Variants in GCFC2 observed in about 807,000 individuals in gnomAD.
The protein encoded by GCFC2 is GC-rich sequence DNA-binding factor 2, also known as intron Large complex component GCFC2.
A neutral mutation model predicts 99.4 loss-of-function variants in GCFC2; 102 were observed. The observed-to-expected ratio is 1.03, with a 90% confidence interval of 0.87 to 1.21. The LOEUF (loss-of-function observed/expected upper bound fraction) is 1.21, where lower values mean the gene tolerates loss of function less well. Among genes scored for constraint, GCFC2 ranks in the 50% most tolerant of loss-of-function variants. The pLI, the probability that GCFC2 is intolerant of heterozygous loss-of-function variation, is 0.00. For missense variants in GCFC2, 973 were observed against 920.9 expected (o/e 1.06, Z -0.73); for synonymous variants, 338 against 316.8 (o/e 1.07, Z -0.71).
At chr2:75,699,636 G>A (rs1408262632) in intron 4 of GCFC2, among the ~76,000 whole-genome samples, 1 of 152,148 alleles carries the variant, frequency 6.6e-6, no homozygotes, top group Non-Finnish European at 1.5e-5. Context: ...GAGTGCAGTG[G>A]TGTGATCATA....
Position 75,710,892 on chromosome 2 carries a change from T to G in GCFC2, c.-37A>C, listed in dbSNP as rs762042616. The G allele has an allele frequency of 6.0e-6, 9 of 1,490,528 alleles. No homozygotes were observed. The highest frequency in any genetic ancestry group is 1.5e-5 in the African/African-American group (1 of 68,326). 92.3% of individuals were successfully genotyped at this position (1,490,528 alleles called of 1,614,324 possible). On this transcript the variant is annotated 5_prime_UTR_variant, in exon 1 of 17. Coordinates refer to ENST00000321027, the MANE Select transcript of GCFC2 (RefSeq NM_003203.5). ...GAGCGCCCGGCGCCCTAGAACCCGC[T>G]GAACCGCAAGCCGCAGCTTCAGTGC...
chr2:75,666,135 A>G, intron 15 of GCFC2, 82 bp from the exon 16 acceptor site: 1 of 979,354 alleles, frequency 1.0e-6, no homozygotes, highest in Non-Finnish European at 1.5e-6. Flanking sequence ...TGATACTGTA[A>G]GCTGAGTATC....
intron 11 of GCFC2, among the ~76,000 whole-genome samples, chr2:75,680,843 G>A (rs764175514): frequency 5.3e-5 from 8 of 151,330 alleles, no homozygotes; most frequent in Non-Finnish European, 1.2e-4. Flanking sequence ...AATCAGAAAA[G>A]CAGCACTATG....
At chr2:75,672,060 A>G (rs775533621) in intron 13 of GCFC2, 44 bp from the exon 14 acceptor site, 4 of 1,080,388 alleles carry the variant, frequency 3.7e-6, no homozygotes, top group East Asian at 5.0e-5. Flanking sequence ...GCAAAGAACT[A>G]TTAGTCTTTC....
Position 75,664,728 on chromosome 2 carries a change from C to G in GCFC2, c.2284G>C (p.Ala762Pro). Residue 762 changes from alanine (A) to proline (P), a missense_variant, in exon 17 of 17, where the codon GCA becomes CCA. Ala to Pro is a conservative substitution (Grantham distance 27). Transcript: ENST00000321027. The part of the protein sequence containing the change: ...ILVKIKALNQ[A>P]ESFIGEHHLD... Reference sequence around the variant, plus strand: ...TGATGCTCTCCTATGAAGGATTCTGCTTGATTCAAAGCTTTTATTTTCACC... The same window carrying G: ...TGATGCTCTCCTATGAAGGATTCTGGTTGATTCAAAGCTTTTATTTTCACC... The G allele has an allele frequency of 3.8e-6, 6 of 1,576,534 alleles. No individual in the cohort carries two copies. Among genetic ancestry groups the G allele is most frequent in the Non-Finnish European group, 5.2e-6 (6 of 1,147,212 alleles).
chr2:75,686,902 T>C (rs959371610), intron 11 of GCFC2, among the ~76,000 whole-genome samples: 3 of 152,074 alleles, frequency 2.0e-5, no homozygotes, highest in South Asian at 2.1e-4. Flanking sequence ...TAAGTGCTCA[T>C]AGCTGCTAGT....
Position 75,689,126 on chromosome 2 carries a change from T to C in GCFC2, c.1439A>G (p.Lys480Arg). ...AGCTTCATAATAGGAGTCAGGAAAC[T>C]TTTCTCGCCATTGCTGAAATTTCAA... Reference protein sequence around the residue: ...ILLKFQQWREKFPDSYYEAFI... With the variant: ...ILLKFQQWRERFPDSYYEAFI... The change falls in exon 10 of 17, where the codon AAG becomes AGG. Residue 480 changes from lysine (K) to arginine (R), a missense_variant. Coordinates refer to ENST00000321027, the MANE Select transcript of GCFC2 (RefSeq NM_003203.5). The C allele has an allele frequency of 6.3e-7, 1 of 1,599,886 alleles. No homozygotes were observed. The highest frequency in any genetic ancestry group is 8.6e-7 in the Non-Finnish European group (1 of 1,168,370).
chr2:75,708,501 C>CTTTTTTTTTTTTTTT (rs34414596), intron 1 of GCFC2, among the ~76,000 whole-genome samples: 1 of 78,642 alleles, frequency 1.3e-5, no homozygotes, highest in Non-Finnish European at 2.5e-5. Flanking sequence ...CATTTGGCAA[C>CTTTTTTTTTTTTTTT]TTTTTTTTTT....
intron 13 of GCFC2, among the ~76,000 whole-genome samples, chr2:75,673,069 G>C (rs568783581): frequency 9.5e-4 from 144 of 152,304 alleles, no homozygotes; most frequent in Non-Finnish European, 1.8e-3. Context: ...CCAGCACTTT[G>C]GGAGGCCAAG....
At chr2:75,694,155 T>C in intron 6 of GCFC2, 86 bp downstream of exon 6, 1 of 419,304 alleles carries the variant, frequency 2.4e-6, no homozygotes, top group Admixed American at 4.3e-5. Context: ...GAGAAAAGTA[T>C]CTAATTGTGA....
chr2:75,708,931 G>A (rs1201625498), intron 1 of GCFC2, among the ~76,000 whole-genome samples: 1 of 152,074 alleles, frequency 6.6e-6, no homozygotes, highest in Admixed American at 6.6e-5. Context: ...TCTGTCAGAG[G>A]CTGTATTTTC....
chr2:75,690,146 A>C, intron 8 of GCFC2, 65 bp from the exon 9 acceptor site: 2 of 884,290 alleles, frequency 2.3e-6, no homozygotes, highest in Admixed American at 2.4e-5. Context: ...ATAAATGCCT[A>C]AATTTTTTTT....
intron 11 of GCFC2, among the ~76,000 whole-genome samples, chr2:75,686,661 T>C (rs992039792): frequency 5.9e-5 from 9 of 152,124 alleles, no homozygotes; most frequent in African/African-American, 2.2e-4. Flanking sequence ...GTAGGATCAC[T>C]TGACCCCAGG....
In GCFC2 at chr2:75,699,836, C is replaced by T. The variant is rs533378943; in HGVS notation, c.717+1354G>A. Among the ~76,000 whole-genome samples the T allele has an allele frequency of 2.6e-5, 4 of 151,848 alleles. No individual in the cohort carries two copies. In the South Asian group the frequency reaches 6.2e-4, roughly 24 times the overall value. ...AAGTGATCCTTCCACCTTGGCCTTC[C>T]GAAGTGCTGGAGTAACAGGTGTGAG... On this transcript the variant is annotated intron_variant, in intron 4 of 16. Transcript: ENST00000321027.
intron 14 of GCFC2, among the ~76,000 whole-genome samples, chr2:75,671,537 T>C (rs1679089717): frequency 6.6e-6 from 1 of 152,218 alleles, no homozygotes; most frequent in Non-Finnish European, 1.5e-5. Context: ...TCATCCCTAC[T>C]GCCACTGACT....
intron 4 of GCFC2, among the ~76,000 whole-genome samples, chr2:75,700,027 A>T (rs116126331): frequency 0.028 from 4,258 of 152,004 alleles, 210 homozygotes; most frequent in African/African-American, 0.097. Context: ...CAGCCCCCCA[A>T]GCAGCTAGGA....
At chr2:75,672,079 A>G (rs530858259) in intron 13 of GCFC2, 63 bp from the exon 14 acceptor site, 1 of 829,658 alleles carries the variant, frequency 1.2e-6, no homozygotes, top group Non-Finnish European at 2.0e-6. Flanking sequence ...TCAGAACCAG[A>G]GTTTAAGATC....
chr2:75,686,998 G>A (rs1050649576), intron 11 of GCFC2, among the ~76,000 whole-genome samples: 6 of 151,486 alleles, frequency 4.0e-5, no homozygotes, highest in African/African-American at 9.7e-5. Context: ...GCAATGGCAC[G>A]ATCTCGGCTC....
At chr2:75,691,173 T>A (rs901014894) in intron 7 of GCFC2, among the ~76,000 whole-genome samples, 5 of 152,196 alleles carry the variant, frequency 3.3e-5, no homozygotes, top group Non-Finnish European at 7.4e-5. Context: ...TTCCTCTATA[T>A]ACACACCTAT....
Sources: gnomAD v4.1 joint callset for allele counts (sites outside exome capture counted in the v4.1 genomes callset) on GRCh38, gnomAD v4.1.1 for gene constraint, MANE v1.5 for transcripts, NCBI Gene and HGNC (gene_info 2026-07-23, HGNC 2026-07-21) for gene names.